Variants in NLGN2 observed in about 807,000 individuals in gnomAD.
NLGN2 encodes neuroligin 2.
In NLGN2, 11 loss-of-function variants were observed where a neutral mutation model predicts 48.6. The ratio of observed to expected loss-of-function variants is 0.23; its 90% CI spans 0.14 to 0.37. The LOEUF (loss-of-function observed/expected upper bound fraction) is 0.37, where lower values mean the gene tolerates loss of function less well. Among genes scored for constraint, NLGN2 ranks in the 10% least tolerant of loss-of-function variants. The pLI is 1.00. For synonymous variants in NLGN2, 548 were observed against 550.0 expected (o/e 1.00, Z 0.05); for missense variants, 801 against 1,225.2 (o/e 0.65, Z 5.17).
intron 1 of NLGN2, among the ~76,000 whole-genome samples, chr17:7,409,926 C>T (rs1482927603): frequency 1.3e-5 from 2 of 152,118 alleles, no homozygotes; most frequent in African/African-American, 4.8e-5. Flanking sequence ...ACCTGTGCTC[C>T]CCAGCATCCC....
intron 6 of NLGN2, among the ~76,000 whole-genome samples, chr17:7,416,505 TC>T (rs1355911406): frequency 3.9e-5 from 6 of 152,160 alleles, no homozygotes; most frequent in African/African-American, 1.4e-4. Flanking sequence ...TCCACCTCCC[TC>T]TGCTGCTCTC....
chr17:7,408,779 A>T lies in NLGN2; in HGVS notation c.457+67A>T, dbSNP rs1022217561. 3.7e-6 allele frequency: 6 copies of T among 1,608,278 alleles called. No homozygotes were observed. Among genetic ancestry groups the T allele is most frequent in the Non-Finnish European group, 4.2e-6 (5 of 1,178,170 alleles). ...CCCACAAACGCACATGCAGACCCTC[A>T]GGCACTGGCACCGCTCTAGGGCTCA... is the stretch of plus-strand genomic sequence containing the variant. On this transcript the variant is annotated intron_variant, in intron 1 of 6. Transcript: ENST00000302926. The surrounding 1 kb of genome is among the most constrained non-coding windows in gnomAD (Gnocchi z 7.5).
upstream of NLGN2, among the ~76,000 whole-genome samples, chr17:7,407,419 G>A (rs1009312153): frequency 6.6e-6 from 1 of 152,218 alleles, no homozygotes; most frequent in Non-Finnish European, 1.5e-5. Context: ...TTAGCGAATG[G>A]TGTGTTGAAG....
chr17:7,417,310 C>G lies in NLGN2; in HGVS notation c.2019C>G (p.Ser673=). 1 of 1,609,562 alleles carries G rather than the reference C, an allele frequency of 6.2e-7. No individual in the cohort carries two copies. The highest frequency in any genetic ancestry group is 1.1e-5 in the South Asian group (1 of 90,420). The change falls in exon 7 of 7, where the codon TCC becomes TCG. Residue 673 remains serine, a synonymous_variant. Coordinates refer to ENST00000302926, the MANE Select transcript of NLGN2 (RefSeq NM_020795.4). The stretch of plus-strand genomic sequence containing the variant: ...TCCCCGGGGACTCACGGGACTACTC[C>G]ACGGAGCTGAGCGTCACCGTGGCCG... ...DRFPGDSRDY[S]TELSVTVAVG...
chr17:7,417,186 G>A lies in NLGN2; in HGVS notation c.1895G>A (p.Arg632His), dbSNP rs541163955. ...CCCTACGCCACGCGCTGGCCGCCTC[G>A]TCCCCCCGCTGGCGCCCCGGGCACA... ...LPPYATRWPP[R>H]PPAGAPGTRR... is the part of the protein sequence containing the mutation. Residue 632 changes from arginine to histidine, a missense_variant, in exon 7 of 7, where the codon CGT becomes CAT. Physicochemically the swap from Arg to His is conservative, Grantham distance 29 (BLOSUM62 0). Transcript: ENST00000302926. The A allele has an allele frequency of 1.2e-5, 19 of 1,571,032 alleles. No homozygotes were observed. The East Asian group carries it at 2.3e-4, about 19-fold the overall frequency.
chr17:7,417,201 C>T lies in NLGN2; in HGVS notation c.1910C>T (p.Ala637Val), dbSNP rs1326286266. Residue 637 changes from alanine to valine, a missense_variant, in exon 7 of 7, where the codon GCC (alanine) becomes GTC (valine). Transcript: ENST00000302926. ...TRWPPRPPAG[A>V]PGTRRPPPPA... ...TGGCCGCCTCGTCCCCCCGCTGGCG[C>T]CCCGGGCACACGCCGGCCCCCGCCG... 2.6e-6 allele frequency: 4 copies of T among 1,561,274 alleles called. No individual in the cohort carries two copies. Among genetic ancestry groups the T allele is most frequent in the Non-Finnish European group, 2.6e-6 (3 of 1,155,642 alleles).
chr17:7,415,641 T>G lies in NLGN2; in HGVS notation c.1168T>G (p.Phe390Val). Residue 390 changes from phenylalanine (F) to valine (V), a missense_variant, in exon 6 of 7, where the codon TTC becomes GTC. Around this residue, in one of 5 missense-constraint regions of NLGN2, gnomAD observed 303 missense variants for 600.1 expected, o/e 0.50. Transcript: ENST00000302926. ...CGTCAACCAGGGAGAGGGCCTCAAGTTCGTGGAGGACTCTGCAGAGAGCGA... is the reference window on the plus strand; with the variant it reads ...CGTCAACCAGGGAGAGGGCCTCAAGGTCGTGGAGGACTCTGCAGAGAGCGA... ...IGVNQGEGLK[F>V]VEDSAESEDG... 1.2e-6 allele frequency: 2 copies of G among 1,613,708 alleles called. No homozygotes were observed. Among genetic ancestry groups the G allele is most frequent in the Non-Finnish European group, 1.7e-6 (2 of 1,179,612 alleles).
In NLGN2 at chr17:7,417,484, C is replaced by CGCGGG; in HGVS notation, c.2194_2198dup (p.Glu735AlafsTer15). 6.6e-7 allele frequency: 1 copy of CGCGGG among 1,521,002 alleles called. No individual in the cohort carries two copies. The allele number at this position is 1,521,002 out of a possible 1,614,324, so 94.2% of individuals were successfully genotyped here. On this transcript the variant is annotated frameshift_variant, in exon 7 of 7. Transcript: ENST00000302926. LOFTEE classifies it low-confidence loss of function (END_TRUNC). Reference sequence around the variant, plus strand: ...CTGGTGGGGGCCCCCTGCTCCCCGCCGCGGGCCGTGAGCTGCCACCAGAGG... The same window carrying CGCGGG: ...CTGGTGGGGGCCCCCTGCTCCCCGCCGCGGGGCGGGCCGTGAGCTGCCACCAGAGG...
At chr17:7,407,226 G>A (rs760638940), upstream of NLGN2, among the ~76,000 whole-genome samples, 14 of 152,112 alleles carry the variant, frequency 9.2e-5, no homozygotes, top group African/African-American at 2.4e-4. Flanking sequence ...GCCCGTTGCC[G>A]AGGTAACATT....
chr17:7,417,773 C>G lies in NLGN2; in HGVS notation c.2482C>G (p.His828Asp). Residue 828 changes from histidine to aspartate, a missense_variant, in exon 7 of 7, where the codon CAC (histidine) becomes GAC (aspartate). Around this residue, in one of 5 missense-constraint regions of NLGN2, gnomAD observed 276 missense variants for 313.9 expected, o/e 0.88. Coordinates refer to ENST00000302926, the MANE Select transcript of NLGN2 (RefSeq NM_020795.4). ...TATSHNNTLP[H>D]PHSTTRV is the part of the protein sequence containing the mutation. ...CACCAGCCACAACAACACGCTACCC[C>G]ACCCCCACTCCACCACTCGGGTATA... The G allele has an allele frequency of 7.3e-7, 1 of 1,378,096 alleles. No individual in the cohort carries two copies. The highest frequency in any genetic ancestry group is 1.7e-5 in the South Asian group (1 of 60,058). 85.4% of individuals were successfully genotyped at this position (1,378,096 alleles called of 1,614,324 possible). A position where few individuals can be genotyped will look rare whatever the true frequency, so the allele number is the denominator to read the frequency against.
At position 7,408,600 on chromosome 17, in the gene NLGN2, C is replaced by G; in HGVS notation, c.345C>G (p.Pro115=). Residue 115 remains proline, a synonymous_variant, in exon 1 of 7, where the codon CCC becomes CCG. Transcript: ENST00000302926. The surrounding 1 kb of genome is among the most constrained non-coding windows in gnomAD (Gnocchi z 7.5). Reference sequence around the variant, plus strand: ...CGCAGAACCTGCACGGGGCGCTGCCCGCCATCATGCTGCCTGTGTGGTTCA... The same window carrying G: ...CGCAGAACCTGCACGGGGCGCTGCCGGCCATCATGCTGCCTGTGTGGTTCA... ...ACPQNLHGAL[P]AIMLPVWFTD... 6.3e-7 allele frequency: 1 copy of G among 1,590,178 alleles called. No homozygotes were observed. The highest frequency in any genetic ancestry group is 8.5e-7 in the Non-Finnish European group (1 of 1,169,844).
intron 2 of NLGN2, among the ~76,000 whole-genome samples, chr17:7,414,051 A>G (rs1397398673): frequency 6.6e-6 from 1 of 152,120 alleles, no homozygotes; most frequent in African/African-American, 2.4e-5. Flanking sequence ...GATCCAGCAG[A>G]TGCCCTAAGG....
At chr17:7,405,972 A>C (rs1252891731), upstream of NLGN2, among the ~76,000 whole-genome samples, 2 of 151,954 alleles carry the variant, frequency 1.3e-5, no homozygotes, top group Non-Finnish European at 2.9e-5. This position sits in a 1 kb window ranked among gnomAD's most constrained non-coding sequence, Gnocchi z 6.8. Flanking sequence ...ATGGAGAGAG[A>C]AGGCAGAGGG....
At chr17:7,416,904 C>T (rs771270843) in intron 6 of NLGN2, 22 bp from the exon 7 acceptor site, 15 of 1,612,494 alleles carry the variant, frequency 9.3e-6, no homozygotes, top group Non-Finnish European at 1.3e-5. Context: ...CTCCTCCTTT[C>T]CCTGCCCTCC....
At chr17:7,409,950 C>T (rs1253110687) in intron 1 of NLGN2, among the ~76,000 whole-genome samples, 3 of 152,086 alleles carry the variant, frequency 2.0e-5, no homozygotes, top group Non-Finnish European at 4.4e-5. Flanking sequence ...ATATAGATCA[C>T]GTGCCTTAAG....
chr17:7,412,692 G>A (rs564878736), intron 2 of NLGN2, among the ~76,000 whole-genome samples: 1 of 151,864 alleles, frequency 6.6e-6, no homozygotes, highest in Admixed American at 6.5e-5. Context: ...GTCAGACACA[G>A]AAAACGCAAA....
At chr17:7,416,229 A>G in intron 6 of NLGN2, 122 bp downstream of exon 6, 1 of 760,372 alleles carries the variant, frequency 1.3e-6, no homozygotes, top group Non-Finnish European at 2.3e-6. Flanking sequence ...CAACCCAGAC[A>G]CCTCTGTGCC....
In NLGN2 at chr17:7,416,852, C is replaced by T. The variant is rs1907120109; in HGVS notation, c.1635-74C>T. ...GTCTCTCTGCATCTCTGTCTGTCTC[C>T]CTGCCCACTGCCATCCACCCTCCTT... On this transcript the variant is annotated intron_variant, in intron 6 of 6. Transcript: ENST00000302926. 4.5e-6 allele frequency: 7 copies of T among 1,563,512 alleles called. No homozygotes were observed. The African/African-American group carries it at 8.1e-5, about 18-fold the overall frequency.
At chr17:7,405,299 G>A (rs1402442157), upstream of NLGN2, 1 of 152,428 alleles carries the variant, frequency 6.6e-6, no homozygotes, top group African/African-American at 2.4e-5. The surrounding 1 kb of genome is among the most constrained non-coding windows in gnomAD (Gnocchi z 6.8). Flanking sequence ...CCGGCCCACG[G>A]AACCAGCGGA....
Sources: allele counts gnomAD v4.1 joint callset (sites outside exome capture counted in the v4.1 genomes callset), GRCh38; gene constraint gnomAD v4.1.1; regional missense constraint gnomAD v4.1.1; non-coding constraint Gnocchi (gnomAD v3.1); transcripts MANE v1.5; gene names NCBI Gene and HGNC (gene_info 2026-07-23, HGNC 2026-07-21).